Variants in DPP10 observed in about 807,000 individuals in gnomAD.
DPP10 encodes inactive dipeptidyl peptidase 10.
A neutral mutation model predicts 120.9 loss-of-function variants in DPP10; 33 were observed. That is an observed-to-expected ratio of 0.27 (90% CI 0.21 to 0.37). The LOEUF (loss-of-function observed/expected upper bound fraction) is 0.37, where lower values mean the gene tolerates loss of function less well. Among genes scored for constraint, DPP10 ranks in the 10% least tolerant of loss-of-function variants. The pLI, the probability that DPP10 is intolerant of heterozygous loss-of-function variation, is 1.00. For synonymous variants in DPP10, 337 were observed against 326.1 expected, an observed-to-expected ratio of 1.03 and a Z score of -0.36; for missense variants, 816 against 942.8, an observed-to-expected ratio of 0.87 and a Z score of 1.76.
At chr2:114,525,081 C>A (rs6734259) in intron 1 of DPP10, among the ~76,000 whole-genome samples, 5 of 152,134 alleles carry the variant, frequency 3.3e-5, no homozygotes, top group African/African-American at 9.7e-5. Context: ...TTCCCTCTAC[C>A]CTTTGAGTTC....
intron 1 of DPP10, among the ~76,000 whole-genome samples, chr2:114,679,864 A>G (rs531763653): frequency 3.3e-5 from 5 of 152,128 alleles, no homozygotes; most frequent in African/African-American, 7.2e-5. Context: ...TTATGGAGCA[A>G]GGACTGGAGC....
chr2:115,555,266 C>A (rs1471674556), intron 5 of DPP10, among the ~76,000 whole-genome samples: 1 of 151,906 alleles, frequency 6.6e-6, no homozygotes, highest in Non-Finnish European at 1.5e-5. Flanking sequence ...CTTTCCTCTG[C>A]CCTCTTACGT....
chr2:115,734,727 TAC>T (rs749236808), intron 8 of DPP10, among the ~76,000 whole-genome samples: 2 of 148,162 alleles, frequency 1.3e-5, no homozygotes, highest in Admixed American at 6.7e-5. Context: ...TGCATATATA[TAC>T]ACACACACGT....
intron 1 of DPP10, among the ~76,000 whole-genome samples, chr2:114,672,182 A>G (rs915061055): frequency 3.3e-5 from 5 of 152,176 alleles, no homozygotes; most frequent in Non-Finnish European, 5.9e-5. Context: ...CCAGGGCCCT[A>G]CCCTAGATCA....
intron 1 of DPP10, among the ~76,000 whole-genome samples, chr2:114,924,614 G>A (rs1374587857): frequency 6.6e-6 from 1 of 151,854 alleles, no homozygotes; most frequent in Admixed American, 6.6e-5. Context: ...AAGAATACAT[G>A]TTTTGAGATG....
intron 4 of DPP10, among the ~76,000 whole-genome samples, chr2:115,505,982 AATT>A (rs1257292886): frequency 7.2e-6 from 1 of 138,220 alleles, no homozygotes; most frequent in Non-Finnish European, 1.6e-5. Context: ...TATAAACTAA[AATT>A]ATTAATACAA....
intron 4 of DPP10, among the ~76,000 whole-genome samples, chr2:115,511,855 G>A (rs2077249032): frequency 6.7e-6 from 1 of 150,024 alleles, no homozygotes; most frequent in Non-Finnish European, 1.5e-5. Context: ...AGCCTCCTGA[G>A]TATCTGCACT....
chr2:115,525,720 A>T (rs865916703), intron 4 of DPP10, among the ~76,000 whole-genome samples, 178 bp from the exon 5 acceptor site: 2 of 152,064 alleles, frequency 1.3e-5, no homozygotes, highest in Non-Finnish European at 2.9e-5. Flanking sequence ...TGTCCTCTTT[A>T]AGCTTTTTAT....
At chr2:114,597,181 C>A (rs935164377) in intron 1 of DPP10, among the ~76,000 whole-genome samples, 1 of 151,946 alleles carries the variant, frequency 6.6e-6, no homozygotes, top group Non-Finnish European at 1.5e-5. Context: ...AAGAGAGAGG[C>A]ATGGGCAGTG....
intron 1 of DPP10, among the ~76,000 whole-genome samples, chr2:115,017,651 C>T (rs917234113): frequency 7.6e-6 from 1 of 132,184 alleles, no homozygotes; most frequent in Admixed American, 8.4e-5. Flanking sequence ...GGCATATATA[C>T]ACCATGGAAT....
At chr2:115,402,110 A>G (rs1354441111) in intron 3 of DPP10, among the ~76,000 whole-genome samples, 1 of 152,134 alleles carries the variant, frequency 6.6e-6, no homozygotes, top group African/African-American at 2.4e-5. Context: ...AAAAATGGAA[A>G]TCAAATATTA....
chr2:115,751,448 G>T (rs1678695105), intron 10 of DPP10, among the ~76,000 whole-genome samples: 1 of 152,126 alleles, frequency 6.6e-6, no homozygotes, highest in South Asian at 2.1e-4. Context: ...ACTCTACTTC[G>T]GGCACTTTAT....
intron 5 of DPP10, among the ~76,000 whole-genome samples, chr2:115,544,581 A>G (rs900997066): frequency 6.6e-6 from 1 of 152,016 alleles, no homozygotes; most frequent in East Asian, 1.9e-4. Flanking sequence ...CCCATCCTAC[A>G]ACTACTTAGT....
intron 1 of DPP10, among the ~76,000 whole-genome samples, chr2:114,740,438 C>T (rs1168056048): frequency 6.7e-6 from 1 of 149,532 alleles, no homozygotes; most frequent in Non-Finnish European, 1.5e-5. Flanking sequence ...AGCACACCAG[C>T]ATGGCACATG....
intron 1 of DPP10, among the ~76,000 whole-genome samples, chr2:114,557,845 T>C (rs1688447803): frequency 6.6e-6 from 1 of 152,204 alleles, no homozygotes. Flanking sequence ...GTCACCTAAT[T>C]TGATCCTTAT....
chr2:115,567,071 T>G (rs1476406293), intron 5 of DPP10, among the ~76,000 whole-genome samples: 1 of 152,134 alleles, frequency 6.6e-6, no homozygotes, highest in Non-Finnish European at 1.5e-5. Flanking sequence ...AAAATTTACT[T>G]TAATCAGAGA....
chr2:114,668,241 A>G (rs1263532669), intron 1 of DPP10, among the ~76,000 whole-genome samples: 2 of 152,186 alleles, frequency 1.3e-5, no homozygotes, highest in African/African-American at 2.4e-5. Flanking sequence ...GAACTTGTGT[A>G]TAACTGGGGA....
rs531113158 is a variant in DPP10 at position 114,740,057 on chromosome 2, C to T, written c.60+297219C>T. Among the ~76,000 whole-genome samples the T allele has an allele frequency of 4.7e-4, 72 of 151,788 alleles. No homozygotes were observed. The South Asian group carries it at 9.0e-3, about 19-fold the overall frequency. The stretch of plus-strand genomic sequence containing the variant: ...ATGCTGCTATAAAGACACATGCACA[C>T]GTATGTTTATTGCAGCACTATTCAC... On this transcript the variant is annotated intron_variant, in intron 1 of 25. Transcript: ENST00000410059.
chr2:115,571,315 A>G (rs1192041970), intron 5 of DPP10, among the ~76,000 whole-genome samples: 2 of 152,034 alleles, frequency 1.3e-5, no homozygotes, highest in African/African-American at 4.8e-5. Context: ...GTTTGGGGTA[A>G]GAATGGTCCT....
Sources: allele counts gnomAD v4.1 joint callset (sites outside exome capture counted in the v4.1 genomes callset), GRCh38; gene constraint gnomAD v4.1.1; transcripts MANE v1.5; gene names NCBI Gene and HGNC (gene_info 2026-07-23, HGNC 2026-07-21).